The following ZNF688 variants were observed in gnomAD, a reference collection of about 807,000 sequenced individuals.
The protein encoded by ZNF688 is zinc finger protein 688.
A neutral mutation model predicts 13.2 loss-of-function variants in ZNF688; 10 were observed. That is an observed-to-expected ratio of 0.76 (90% confidence interval 0.47 to 1.28). The LOEUF is 1.28. Ranked by LOEUF, ZNF688 falls within the 50% of genes most tolerant of loss-of-function variation. The pLI, the probability that ZNF688 is intolerant of heterozygous loss-of-function variation, is 0.00. For synonymous variants in ZNF688, 160 were observed against 159.4 expected (o/e 1.00, Z -0.03); for missense variants, 381 against 391.4 (o/e 0.97, Z 0.22).
chr16:30,573,537 C>T (rs2051717002), upstream of ZNF688, among the ~76,000 whole-genome samples: 1 of 152,186 alleles, frequency 6.6e-6, no homozygotes, highest in Non-Finnish European at 1.5e-5. Flanking sequence ...GTTTGCTAAG[C>T]GTGGGGCTGG....
intron 2 of ZNF688, chr16:30,570,756 T>C (rs181336462): frequency 3.0e-4 from 97 of 325,666 alleles, no homozygotes; most frequent in African/African-American, 6.4e-4. Flanking sequence ...TTTATTTATT[T>C]ATTTATTTAT....
upstream of ZNF688, chr16:30,571,902 G>A: frequency 7.8e-7 from 1 of 1,279,234 alleles, no homozygotes. Context: ...CTGAAAATAT[G>A]GCGACCACCC....
chr16:30,572,413 T>C, upstream of ZNF688: 1 of 1,012,842 alleles, frequency 9.9e-7, no homozygotes, highest in Non-Finnish European at 1.3e-6. Flanking sequence ...TAGAAGCAGG[T>C]GCGTGTTTTA....
At position 30,570,622 on chromosome 16, in the gene ZNF688, A is replaced by G. The variant is rs1404169895; in HGVS notation, c.311-186T>C. On this transcript the variant is annotated intron_variant, in intron 2 of 2. Coordinates refer to ENST00000223459, the MANE Select transcript of ZNF688 (RefSeq NM_145271.4). ...TTATCTGAGCCTTGGTTCCTTATGC[A>G]TCAAATGGGAATAATAATGGCTTTT... 3 of 651,924 alleles carry G rather than the reference A, an allele frequency of 4.6e-6. No individual in the cohort carries two copies. The East Asian group carries it at 8.6e-5, about 19-fold the overall frequency. The allele number at this position is 651,924 out of a possible 1,614,324, so 40.4% of individuals were successfully genotyped here. A position where few individuals can be genotyped will look rare whatever the true frequency, so the allele number is the denominator to read the frequency against.
At chr16:30,575,429 T>TA (rs1486680773), upstream of ZNF688, among the ~76,000 whole-genome samples, 1 of 151,910 alleles carries the variant, frequency 6.6e-6, no homozygotes, top group African/African-American at 2.4e-5. Context: ...GTATTTTTAG[T>TA]AGAGAAGGGG....
upstream of ZNF688, among the ~76,000 whole-genome samples, chr16:30,576,248 G>A (rs1375620015): frequency 6.6e-6 from 1 of 152,192 alleles, no homozygotes; most frequent in African/African-American, 2.4e-5. Context: ...GTCTCGCTCT[G>A]TTGCCCAGGC....
In ZNF688 at chr16:30,571,565, T is replaced by C. The variant is rs1187530364; in HGVS notation, c.65A>G (p.Lys22Arg). 3.8e-6 allele frequency: 6 copies of C among 1,570,776 alleles called. No individual in the cohort carries two copies. Residue 22 changes from lysine (K) to arginine (R), a missense_variant, in exon 1 of 3, where the codon AAG becomes AGG. By Grantham distance (26) the Lys-to-Arg change is conservative (BLOSUM62 2). Transcript: ENST00000223459. ...RPGETRPGCR[K>R]PGTVSFADVA... ...GTCCGCGAAGCTCACAGTCCCGGGC[T>C]TCCTGCAACCAGGCCGGGTCTCCCC...
chr16:30,571,148 G>T lies in ZNF688; in HGVS notation c.197-25C>A, dbSNP rs753898111. ...CCTGGGAGAGAACAGGGATCACAGC[G>T]CGGGCCTGAGAGGCCATCGTGGGAA... is the stretch of plus-strand genomic sequence containing the variant. On this transcript the variant is annotated intron_variant, in intron 1 of 2. Transcript: ENST00000223459. 8.3e-6 allele frequency: 13 copies of T among 1,560,356 alleles called. No homozygotes were observed. The South Asian group carries it at 1.5e-4, about 18-fold the overall frequency.
Position 30,569,951 on chromosome 16 carries a change from G to A in ZNF688, c.796C>T (p.Arg266Trp), listed in dbSNP as rs780828548. Residue 266 changes from arginine (R) to tryptophan (W), a missense_variant, in exon 3 of 3, where the codon CGG becomes TGG. Physicochemically the swap from Arg to Trp is moderately radical, Grantham distance 101. Transcript: ENST00000223459. The stretch of plus-strand genomic sequence containing the variant: ...TCCTCGAAGATGTCTGGGTAGTGCC[G>A]GAAGAGCACAGGCGGGTCCCGGTCA... Reference protein sequence around the residue: ...RGDRDPPVLFRHYPDIFEECG With the variant: ...RGDRDPPVLFWHYPDIFEECG 5.7e-6 allele frequency: 9 copies of A among 1,583,024 alleles called. No individual in the cohort carries two copies. Among genetic ancestry groups the A allele is most frequent in the African/African-American group, 5.4e-5 (4 of 73,910 alleles).
chr16:30,576,222 G>T (rs2051745677), upstream of ZNF688, among the ~76,000 whole-genome samples: 1 of 151,088 alleles, frequency 6.6e-6, no homozygotes, highest in Admixed American at 6.6e-5. Context: ...TAATTTTTTT[G>T]TTTGTTTGAG....
rs767055074 is a variant in ZNF688, at chr16:30,570,140, G to A, written c.607C>T (p.Arg203Cys). The A allele has an allele frequency of 6.2e-7, 1 of 1,611,236 alleles. No homozygotes were observed. Reference protein sequence around the residue: ...TYPSLLVSHRRMHSGERPFPC... With the variant: ...TYPSLLVSHRCMHSGERPFPC... ...AAAGGCCGCTCCCCCGAGTGCATGC[G>A]CCTGTGGCTGACCAGCAGTGAGGGG... Residue 203 changes from arginine to cysteine, a missense_variant, in exon 3 of 3, where the codon CGC becomes TGC. By Grantham distance (180) the Arg-to-Cys change is radical. Transcript: ENST00000223459.
At position 30,571,462 on chromosome 16, in the gene ZNF688, C is replaced by A; in HGVS notation, c.168G>T (p.Gln56His). 1 of 1,584,466 alleles carries A rather than the reference C, an allele frequency of 6.3e-7. No homozygotes were observed. Among genetic ancestry groups the A allele is most frequent in the Non-Finnish European group, 8.6e-7 (1 of 1,166,546 alleles). Residue 56 changes from glutamine (Q) to histidine (H), a missense_variant, in exon 1 of 3, where the codon CAG becomes CAT. Physicochemically the swap from Gln to His is conservative, Grantham distance 24 (BLOSUM62 0). Coordinates refer to ENST00000223459, the MANE Select transcript of ZNF688 (RefSeq NM_145271.4). ...AQRALYRDVM[Q>H]ETYGHLGALG... is the part of the protein sequence containing the mutation. The stretch of plus-strand genomic sequence containing the variant: ...GCGCGCCCAGGTGGCCGTAGGTCTC[C>A]TGCATCACGTCCCGGTACAGAGCCC...
chr16:30,579,604 T>C, the ZNF688 span: 1 of 335,918 alleles, frequency 3.0e-6, no homozygotes, highest in South Asian at 2.3e-5. Flanking sequence ...GGTCTCAAAC[T>C]CCTGACCTCA....
At chr16:30,577,411 C>T (rs1471512750), upstream of ZNF688, among the ~76,000 whole-genome samples, 5 of 147,954 alleles carry the variant, frequency 3.4e-5, no homozygotes, top group Non-Finnish European at 7.4e-5. Flanking sequence ...GATGGAGTCT[C>T]GCTCTGTCGC....
intron 1 of ZNF688, 138 bp downstream of exon 1, chr16:30,571,296 A>G: frequency 6.5e-7 from 1 of 1,537,786 alleles, no homozygotes; most frequent in East Asian, 2.4e-5. Flanking sequence ...GGGGTACCTG[A>G]AGCCCTGGGA....
At chr16:30,571,915 C>T (rs984450200), upstream of ZNF688, 15 of 1,281,668 alleles carry the variant, frequency 1.2e-5, no homozygotes, top group South Asian at 4.3e-4. Flanking sequence ...GACCACCCTT[C>T]AATTGTCACA....
At chr16:30,572,077 C>T (rs755757456), upstream of ZNF688, 6 of 1,487,536 alleles carry the variant, frequency 4.0e-6, no homozygotes, top group African/African-American at 7.2e-5. Context: ...AGAGGAGAGG[C>T]TTCTTGCCTT....
In ZNF688 at chr16:30,569,832, G is replaced by A. The variant is rs1411793986; in HGVS notation, c.*84C>T. ...AGCCCAGGGCATGAATTTCAGTTCC[G>A]GAGTCCCCGACTCAGTGGCCCACCT... On this transcript the variant is annotated 3_prime_UTR_variant, in exon 3 of 3. Coordinates refer to ENST00000223459, the MANE Select transcript of ZNF688 (RefSeq NM_145271.4). The A allele has an allele frequency of 4.2e-6, 6 of 1,445,014 alleles. No homozygotes were observed. The highest frequency in any genetic ancestry group is 5.5e-6 in the Non-Finnish European group (6 of 1,095,594). The allele number at this position is 1,445,014 out of a possible 1,614,324, so 89.5% of individuals were successfully genotyped here. A position where few individuals can be genotyped will look rare whatever the true frequency, so the allele number is the denominator to read the frequency against.
upstream of ZNF688, chr16:30,571,743 CCGAACGCAGCCGAGGCAA>C (rs2051690235): frequency 7.5e-7 from 1 of 1,336,882 alleles, no homozygotes; most frequent in African/African-American, 1.5e-5. Context: ...GCCGTGGCGT[CCGAACGCAGCCGAGGCAA>C]CCGAAGTAGC....
Sources: allele counts gnomAD v4.1 joint callset (sites outside exome capture counted in the v4.1 genomes callset), GRCh38; gene constraint gnomAD v4.1.1; transcripts MANE v1.5; gene names NCBI Gene and HGNC (gene_info 2026-07-23, HGNC 2026-07-21).